SOX5: variants seen among roughly 807,000 people sequenced by gnomAD.
The protein encoded by SOX5 is SRY-box transcription factor 5, also known as transcription factor SOX-5.
SOX5 carries 9 observed loss-of-function variants against 92.0 expected under a neutral mutation model. The observed-to-expected ratio is 0.10, with a 90% confidence interval of 0.06 to 0.17. SOX5 has a LOEUF of 0.17. SOX5 is among the 10% of genes least tolerant of loss of function. SOX5 has a pLI of 1.00. For missense variants in SOX5, 642 were observed against 944.5 expected, an observed-to-expected ratio of 0.68 and a Z score of 4.20; for synonymous variants, 344 against 336.3, an observed-to-expected ratio of 1.02 and a Z score of -0.25.
chr12:24,222,374 T>A (rs913304718), intron 3 of SOX5, among the ~76,000 whole-genome samples: 1 of 152,228 alleles, frequency 6.6e-6, no homozygotes, highest in South Asian at 2.1e-4. Context: ...CAGTGGTGAA[T>A]GTGGAATTTT....
At chr12:24,401,478 G>A (rs1025509473) in intron 1 of SOX5, among the ~76,000 whole-genome samples, 4 of 151,930 alleles carry the variant, frequency 2.6e-5, no homozygotes, top group Non-Finnish European at 5.9e-5. Context: ...GGGAGGTCAA[G>A]GCAGGAGGAT....
chr12:24,126,430 CCAGGATAG>C (rs1422131912), intron 4 of SOX5, among the ~76,000 whole-genome samples: 1 of 152,290 alleles, frequency 6.6e-6, no homozygotes, highest in East Asian at 1.9e-4. Flanking sequence ...AAAGCGAAAA[CCAGGATAG>C]CACCCTTATT....
At chr12:24,194,207 T>A (rs1487613573) in intron 4 of SOX5, among the ~76,000 whole-genome samples, 2 of 152,218 alleles carry the variant, frequency 1.3e-5, no homozygotes, top group African/African-American at 4.8e-5. Context: ...TGGTCACCAT[T>A]CACTACAACC....
At chr12:23,582,135 G>T (rs1296202629) in intron 9 of SOX5, 57 of 984,488 alleles carry the variant, frequency 5.8e-5, no homozygotes, top group Non-Finnish European at 6.5e-5. Flanking sequence ...AGCCTGAATT[G>T]CATAATGTGC....
intron 6 of SOX5, among the ~76,000 whole-genome samples, chr12:23,669,028 G>A (rs1031894): frequency 2.1e-5 from 3 of 139,788 alleles, no homozygotes; most frequent in Non-Finnish European, 3.1e-5. Flanking sequence ...TTATTTAATC[G>A]GAATTTCATT....
chr12:24,450,234 G>A (rs1942072271), intron 1 of SOX5, among the ~76,000 whole-genome samples: 1 of 152,146 alleles, frequency 6.6e-6, no homozygotes, highest in African/African-American at 2.4e-5. Context: ...CAATGTGGAA[G>A]CCACTGGAAG....
chr12:24,433,035 A>G (rs1938668897), intron 1 of SOX5, among the ~76,000 whole-genome samples: 2 of 152,316 alleles, frequency 1.3e-5, no homozygotes, highest in East Asian at 1.9e-4. Flanking sequence ...TTTTTATAAC[A>G]TAAGTATTTT....
At chr12:24,411,460 C>T (rs1366981529) in intron 1 of SOX5, among the ~76,000 whole-genome samples, 3 of 152,022 alleles carry the variant, frequency 2.0e-5, no homozygotes, top group Admixed American at 2.0e-4. Context: ...TATAGATGTT[C>T]CATGTAAAGT....
intron 4 of SOX5, among the ~76,000 whole-genome samples, chr12:24,137,794 G>C (rs1434608534): frequency 6.6e-6 from 1 of 152,134 alleles, no homozygotes; most frequent in South Asian, 2.1e-4. Flanking sequence ...GAATAAATGA[G>C]AGCCTGCCTG....
At chr12:24,086,327 G>A (rs1236150626) in intron 4 of SOX5, among the ~76,000 whole-genome samples, 10 of 151,860 alleles carry the variant, frequency 6.6e-5, no homozygotes, top group Admixed American at 6.6e-4. Flanking sequence ...CCTAAGACAT[G>A]ATTACAGAAT....
intron 4 of SOX5, among the ~76,000 whole-genome samples, chr12:24,195,539 T>C (rs1172527359): frequency 6.6e-6 from 1 of 152,176 alleles, no homozygotes; most frequent in Non-Finnish European, 1.5e-5. Flanking sequence ...TTTGGCAAAT[T>C]TAACATTAAG....
At chr12:24,086,129 CCT>C (rs1309907147) in intron 4 of SOX5, among the ~76,000 whole-genome samples, 1 of 151,880 alleles carries the variant, frequency 6.6e-6, no homozygotes, top group Non-Finnish European at 1.5e-5. Flanking sequence ...CCTATGATTC[CCT>C]CTGTTTCCAG....
chr12:23,945,500 C>G (rs1944436428), intron 1 of SOX5, among the ~76,000 whole-genome samples: 1 of 152,110 alleles, frequency 6.6e-6, no homozygotes, highest in African/African-American at 2.4e-5. Flanking sequence ...GGACAGTATT[C>G]CAGCATGAGA....
intron 2 of SOX5, among the ~76,000 whole-genome samples, chr12:24,282,189 A>T (rs1254330901): frequency 2.0e-5 from 3 of 152,184 alleles, no homozygotes; most frequent in Non-Finnish European, 4.4e-5. Context: ...GAACACAAAG[A>T]AAAGGGATAA....
intron 1 of SOX5, among the ~76,000 whole-genome samples, chr12:24,420,584 A>G (rs1965761410): frequency 6.6e-6 from 1 of 152,208 alleles, no homozygotes; most frequent in Non-Finnish European, 1.5e-5. Context: ...GAAAAATAAA[A>G]AGATATAATC....
intron 2 of SOX5, among the ~76,000 whole-genome samples, chr12:23,893,315 G>A (rs185265342): frequency 1.4e-4 from 21 of 152,066 alleles, no homozygotes; most frequent in South Asian, 1.2e-3. Context: ...GCTTGGTGGC[G>A]GGGGCCTGTA....
intron 4 of SOX5, among the ~76,000 whole-genome samples, chr12:24,021,175 G>A (rs1381030790): frequency 6.6e-6 from 1 of 152,110 alleles, no homozygotes; most frequent in African/African-American, 2.4e-5. Flanking sequence ...TGCATGGAAG[G>A]TACAGTCCAG....
At chr12:23,646,928 T>C (rs573441993) in intron 7 of SOX5, among the ~76,000 whole-genome samples, 1 of 152,322 alleles carries the variant, frequency 6.6e-6, no homozygotes, top group East Asian at 1.9e-4. Flanking sequence ...AAAATCCTGT[T>C]AATGTTGGTA....
intron 3 of SOX5, among the ~76,000 whole-genome samples, chr12:23,765,151 T>G (rs950033888): frequency 5.3e-5 from 8 of 152,126 alleles, no homozygotes; most frequent in Middle Eastern, 3.4e-3. Context: ...CATATCTTTC[T>G]CAACCAAAGT....
Sources: allele counts gnomAD v4.1 joint callset (sites outside exome capture counted in the v4.1 genomes callset), GRCh38; gene constraint gnomAD v4.1.1; transcripts MANE v1.5; gene names NCBI Gene and HGNC (gene_info 2026-07-23, HGNC 2026-07-21).